LATS2: variants seen among roughly 807,000 people sequenced by gnomAD.
LATS2 encodes the protein large tumor suppressor kinase 2.
Under a neutral mutation model 76.0 loss-of-function variants are expected in LATS2, and 24 were observed. The observed-to-expected ratio is 0.32, with a 90% CI of 0.23 to 0.44. The LOEUF (loss-of-function observed/expected upper bound fraction) is 0.44. LATS2 is among the 20% of genes least tolerant of loss of function. The probability of loss-of-function intolerance (pLI) is 1.00; values close to 1 mark genes in which losing one functional copy is unlikely to be tolerated. For missense variants in LATS2, 1,286 were observed against 1,481.2 expected, an observed-to-expected ratio of 0.87 and a Z score of 2.16; for synonymous variants, 692 against 635.4, an observed-to-expected ratio of 1.09 and a Z score of -1.34.
intron 2 of LATS2, among the ~76,000 whole-genome samples, chr13:20,999,344 C>G (rs976496438): frequency 1.3e-5 from 2 of 152,332 alleles, no homozygotes; most frequent in South Asian, 4.1e-4. Flanking sequence ...ACAAACCATA[C>G]GTCTTTTTGA....
At chr13:20,995,122 T>A (rs1378898991) in intron 2 of LATS2, among the ~76,000 whole-genome samples, 2 of 152,064 alleles carry the variant, frequency 1.3e-5, no homozygotes, top group Admixed American at 6.6e-5. Flanking sequence ...GCTCTAGGGA[T>A]GAAAGGAGAT....
At chr13:21,021,504 A>G (rs1308430677) in intron 2 of LATS2, among the ~76,000 whole-genome samples, 3 of 147,990 alleles carry the variant, frequency 2.0e-5, no homozygotes, top group Non-Finnish European at 4.5e-5. Context: ...AAAAAAAAAA[A>G]GCTTTGTAAA....
At chr13:21,053,233 CAA>C (rs1194900665) in intron 1 of LATS2, among the ~76,000 whole-genome samples, 22 of 38,388 alleles carry the variant, frequency 5.7e-4, no homozygotes, top group South Asian at 4.0e-3. Flanking sequence ...GACTCTGTCT[CAA>C]AAAAAAAAAA....
rs1873072033 is a variant in LATS2, at chr13:21,046,205, G to A, written c.-179C>T. The A allele has an allele frequency of 4.0e-6, 2 of 500,776 alleles. No individual in the cohort carries two copies. The highest frequency in any genetic ancestry group is 7.0e-6 in the Non-Finnish European group (2 of 287,160). 31.0% of individuals were successfully genotyped at this position (500,776 alleles called of 1,614,324 possible). On this transcript the variant is annotated 5_prime_UTR_variant, in exon 2 of 8. Coordinates refer to ENST00000382592, the MANE Select transcript of LATS2 (RefSeq NM_014572.3). ...TATAGAGAACCTAAAATTTTCCAAA[G>A]TCTTCATTTTGAAGATTATCACTCT...
intron 7 of LATS2, 57 bp from the exon 8 acceptor site, chr13:20,975,421 G>C: frequency 6.7e-7 from 1 of 1,496,710 alleles, no homozygotes; most frequent in Non-Finnish European, 8.9e-7. Context: ...GGCAGTTCTG[G>C]GACAGCGTGT....
At chr13:21,036,752 G>A (rs1010914086) in intron 2 of LATS2, among the ~76,000 whole-genome samples, 7 of 151,158 alleles carry the variant, frequency 4.6e-5, no homozygotes, top group African/African-American at 1.5e-4. Context: ...CAGCCTGGGC[G>A]ACAGAGCAAA....
At chr13:20,985,581 A>G (rs1870104121) in intron 4 of LATS2, among the ~76,000 whole-genome samples, 2 of 151,650 alleles carry the variant, frequency 1.3e-5, no homozygotes, top group Admixed American at 6.6e-5. Flanking sequence ...TCTACTAAAC[A>G]TACAAAAATT....
chr13:20,977,734 C>T (rs541259179), intron 7 of LATS2, among the ~76,000 whole-genome samples: 2 of 149,328 alleles, frequency 1.3e-5, no homozygotes, highest in Admixed American at 6.6e-5. Context: ...TTTAATTTAC[C>T]ATTAAAATAA....
rs182238187 is a variant in LATS2 at position 21,047,403 on chromosome 13, T to C, written c.-204-1173A>G. ...CTTCACCCCGTGATGAATGTTTATA[T>C]AACCAGCTGCTCTAACCCAGGGAAG... On this transcript the variant is annotated intron_variant, in intron 1 of 7. Coordinates refer to ENST00000382592, the MANE Select transcript of LATS2 (RefSeq NM_014572.3). Among the ~76,000 whole-genome samples the C allele has an allele frequency of 3.0e-3, 452 of 152,280 alleles. 2 individuals carry two copies. Among genetic ancestry groups the C allele is most frequent in the African/African-American group, 0.01 (432 of 41,556 alleles).
intron 7 of LATS2, among the ~76,000 whole-genome samples, chr13:20,978,399 T>C (rs61250278): frequency 0.12 from 18,067 of 152,060 alleles, 1,986 homozygotes; most frequent in East Asian, 0.51. Flanking sequence ...TAGTAACTCA[T>C]TTCAGAAAGC....
intron 2 of LATS2, among the ~76,000 whole-genome samples, chr13:20,993,029 C>T (rs1870574908): frequency 1.1e-5 from 1 of 92,852 alleles, no homozygotes; most frequent in South Asian, 4.9e-4. Context: ...AGTGTGACTC[C>T]ATCTCCAAAA....
At chr13:20,977,793 C>A (rs2138263350) in intron 7 of LATS2, among the ~76,000 whole-genome samples, 1 of 151,850 alleles carries the variant, frequency 6.6e-6, no homozygotes, top group Admixed American at 6.6e-5. Flanking sequence ...ATAAAAAAAT[C>A]TGAATTATCA....
chr13:21,046,981 T>G (rs192020775), intron 1 of LATS2, among the ~76,000 whole-genome samples: 2 of 152,070 alleles, frequency 1.3e-5, no homozygotes, highest in Non-Finnish European at 2.9e-5. Context: ...CTTCTCAGAG[T>G]GCACCATGGC....
At position 20,988,367 on chromosome 13, in the gene LATS2, C is replaced by CT; in HGVS notation, c.1412_1413insA (p.Ala472GlyfsTer99). 5 of 711,330 alleles carry CT rather than the reference C, an allele frequency of 7.0e-6. No homozygotes were observed. Among genetic ancestry groups the CT allele is most frequent in the South Asian group, 3.0e-5 (1 of 32,904 alleles). 44.1% of individuals were successfully genotyped at this position (711,330 alleles called of 1,614,324 possible). ...CCGGGGCGGGGGCGGGGGCGGGGGC[C>CT]GGGGCAGGCGCGGGCACCCAGGCGG... On this transcript the variant is annotated frameshift_variant, in exon 4 of 8. Transcript: ENST00000382592. LOFTEE classifies it high-confidence loss of function.
At chr13:21,048,574 T>C (rs933250900) in intron 1 of LATS2, among the ~76,000 whole-genome samples, 14 of 152,172 alleles carry the variant, frequency 9.2e-5, no homozygotes, top group African/African-American at 3.4e-4. Context: ...CTCACGTCTG[T>C]AATCCCAGCC....
chr13:20,989,399 G>A, intron 3 of LATS2, 95 bp from the exon 4 acceptor site: 3 of 1,333,554 alleles, frequency 2.2e-6, no homozygotes, highest in Non-Finnish European at 3.1e-6. Flanking sequence ...GCTGCCCTCG[G>A]GGCTGAGGGT....
chr13:21,025,217 TAA>T (rs11357046), intron 2 of LATS2, among the ~76,000 whole-genome samples: 392 of 134,902 alleles, frequency 2.9e-3, no homozygotes, highest in East Asian at 3.2e-3. Context: ...CCGTCTCTAC[TAA>T]AAAAAAAAAA....
At chr13:21,055,470 T>G (rs1873421094) in intron 1 of LATS2, among the ~76,000 whole-genome samples, 1 of 152,216 alleles carries the variant, frequency 6.6e-6, no homozygotes, top group South Asian at 2.1e-4. Flanking sequence ...AATCCAGAGC[T>G]GAGACAACTA....
At chr13:21,045,380 G>A (rs994961967) in intron 2 of LATS2, among the ~76,000 whole-genome samples, 2 of 152,280 alleles carry the variant, frequency 1.3e-5, no homozygotes, top group Middle Eastern at 3.4e-3. Flanking sequence ...GGCTAAGCAC[G>A]AAAGCCCTTT....
Sources: allele counts gnomAD v4.1 joint callset (sites outside exome capture counted in the v4.1 genomes callset), GRCh38; gene constraint gnomAD v4.1.1; transcripts MANE v1.5; gene names NCBI Gene and HGNC (gene_info 2026-07-23, HGNC 2026-07-21).